Variants in RTTN observed in about 807,000 individuals in gnomAD.
RTTN encodes the protein rotatin.
Under a neutral mutation model 269.2 loss-of-function variants are expected in RTTN, and 182 were observed. That is an observed-to-expected ratio of 0.68 (90% CI 0.60 to 0.76). RTTN has a LOEUF of 0.76. Among genes scored for constraint, RTTN ranks in the 30% least tolerant of loss-of-function variants. The pLI, the probability that RTTN is intolerant of heterozygous loss-of-function variation, is 0.00. For synonymous variants in RTTN, 1,006 were observed against 963.5 expected (o/e 1.04, Z -0.82); for missense variants, 2,545 against 2,608.6 (o/e 0.98, Z 0.53).
intron 14 of RTTN, among the ~76,000 whole-genome samples, chr18:70,153,963 A>C (rs2060607923): frequency 6.6e-6 from 1 of 152,200 alleles, no homozygotes; most frequent in Non-Finnish European, 1.5e-5. Flanking sequence ...TAAATTTCCA[A>C]ATAGTTAACA....
chr18:70,175,634 A>G (rs1427673869), intron 11 of RTTN, among the ~76,000 whole-genome samples: 4 of 192 alleles, frequency 0.021, no homozygotes, highest in Middle Eastern at 0.5. Context: ...GCATGGGACC[A>G]AAAAAAAAAA....
chr18:70,096,635 A>G (rs894488032), intron 28 of RTTN, among the ~76,000 whole-genome samples: 22 of 152,214 alleles, frequency 1.4e-4, no homozygotes, highest in African/African-American at 5.3e-4. Context: ...AGGCTGCAGA[A>G]CAGCAAAGAT....
chr18:70,033,707 A>G (rs1203609280), intron 40 of RTTN, among the ~76,000 whole-genome samples: 1 of 152,010 alleles, frequency 6.6e-6, no homozygotes. Context: ...AGTAGAACAC[A>G]AGAAATAATC....
chr18:70,148,400 T>A (rs1163178289), intron 17 of RTTN, among the ~76,000 whole-genome samples: 1 of 152,114 alleles, frequency 6.6e-6, no homozygotes. Flanking sequence ...TTAATGGCAG[T>A]CAAAGAAAGG....
intron 14 of RTTN, among the ~76,000 whole-genome samples, chr18:70,162,920 G>A (rs2060876915): frequency 5.2e-5 from 5 of 96,014 alleles, no homozygotes; most frequent in Admixed American, 1.0e-4. Flanking sequence ...ACTAATGAAA[G>A]ATTACATGAA....
In RTTN at chr18:70,193,468, A is replaced by T; in HGVS notation, c.842-15T>A. On this transcript the variant is annotated splice_polypyrimidine_tract_variant and intron_variant, in intron 7 of 48. Transcript: ENST00000640769. Reference sequence around the variant, plus strand: ...GGAAACTGTGTCTGGGGAAACAAAGAAAAAATAAAATTATTCTTTAGTAGA... The same window carrying T: ...GGAAACTGTGTCTGGGGAAACAAAGTAAAAATAAAATTATTCTTTAGTAGA... The T allele has an allele frequency of 6.8e-7, 1 of 1,473,392 alleles. No homozygotes were observed. Among genetic ancestry groups the T allele is most frequent in the Non-Finnish European group, 9.0e-7 (1 of 1,107,552 alleles). The allele number at this position is 1,473,392 out of a possible 1,614,324, so 91.3% of individuals were successfully genotyped here. A position where few individuals can be genotyped will look rare whatever the true frequency, so the allele number is the denominator to read the frequency against.
chr18:70,145,676 T>C lies in RTTN; in HGVS notation c.2417A>G (p.Asp806Gly). ...AATAGGTTTCTTCCCAATGAATAAA[T>C]CAGTAACTCTGGAGAGAACTCTGGC... Reference protein sequence around the residue: ...IDARVLSRVTDLFIGKKPIEL... With the variant: ...IDARVLSRVTGLFIGKKPIEL... Residue 806 changes from aspartate to glycine, a missense_variant, in exon 18 of 49, where the codon GAT becomes GGT. Coordinates refer to ENST00000640769, the MANE Select transcript of RTTN (RefSeq NM_173630.4). 6.2e-7 allele frequency: 1 copy of C among 1,613,032 alleles called. No homozygotes were observed. The highest frequency in any genetic ancestry group is 1.1e-5 in the South Asian group (1 of 90,934).
intron 25 of RTTN, among the ~76,000 whole-genome samples, chr18:70,122,944 C>T (rs945885855): frequency 1.1e-4 from 17 of 152,020 alleles, no homozygotes; most frequent in Non-Finnish European, 2.2e-4. Context: ...CCTCATATCC[C>T]CTAAATCTAA....
chr18:70,183,378 T>C (rs2061462182), intron 10 of RTTN, among the ~76,000 whole-genome samples: 1 of 152,132 alleles, frequency 6.6e-6, no homozygotes, highest in Non-Finnish European at 1.5e-5. Flanking sequence ...AGGTAGATAC[T>C]CTGTAAATAC....
chr18:70,167,764 C>T (rs924587852), intron 12 of RTTN, among the ~76,000 whole-genome samples: 1 of 149,760 alleles, frequency 6.7e-6, no homozygotes, highest in African/African-American at 2.4e-5. Flanking sequence ...AATTCTATCA[C>T]AGAGAAAACA....
intron 10 of RTTN, among the ~76,000 whole-genome samples, chr18:70,183,302 A>G (rs142970169): frequency 3.3e-5 from 5 of 152,350 alleles, no homozygotes; most frequent in African/African-American, 1.2e-4. Context: ...CTATGCAAAG[A>G]AAGAATTTCA....
chr18:70,095,245 C>T (rs1029164005), intron 28 of RTTN, among the ~76,000 whole-genome samples: 9 of 151,950 alleles, frequency 5.9e-5, no homozygotes, highest in Non-Finnish European at 1.2e-4. Flanking sequence ...GGTCTTGCCT[C>T]TTTATCCAAT....
chr18:70,152,287 T>C (rs565107136), intron 14 of RTTN, among the ~76,000 whole-genome samples: 6 of 152,306 alleles, frequency 3.9e-5, no homozygotes, highest in Admixed American at 3.9e-4. Flanking sequence ...TGCTTAAGAA[T>C]ATGGGCTTTG....
intron 4 of RTTN, among the ~76,000 whole-genome samples, chr18:70,200,318 C>T (rs1368980218): frequency 6.6e-6 from 1 of 152,196 alleles, no homozygotes; most frequent in Non-Finnish European, 1.5e-5. Context: ...GAAGGACAGG[C>T]TTACACCACA....
At chr18:70,127,471 T>C (rs373309878) in intron 25 of RTTN, 31 bp downstream of exon 25, 57 of 1,607,128 alleles carry the variant, frequency 3.5e-5, no homozygotes, top group South Asian at 3.4e-4. Flanking sequence ...ATCCAGGTCT[T>C]TGAAACTGGC....
In RTTN at chr18:70,148,925, C is replaced by T. The variant is rs1357964428; in HGVS notation, c.2285G>A (p.Arg762Gln). Residue 762 changes from arginine to glutamine, a missense_variant, in exon 17 of 49, where the codon CGA becomes CAA. Physicochemically the swap from Arg to Gln is conservative, Grantham distance 43 (BLOSUM62 1). Transcript: ENST00000640769. ...CGATGGCTTTTTCACTAGCAAAAGT[C>T]GCAGCATGGACTTTAATCGGGTAGT... ...PCTTRLKSML[R>Q]LLLVKKPSVR... The T allele has an allele frequency of 5.0e-6, 8 of 1,613,434 alleles. No homozygotes were observed. The highest frequency in any genetic ancestry group is 2.2e-5 in the East Asian group (1 of 44,866).
chr18:70,050,805 A>G (rs1387126940), intron 39 of RTTN, among the ~76,000 whole-genome samples: 1 of 152,228 alleles, frequency 6.6e-6, no homozygotes, highest in East Asian at 1.9e-4. Context: ...CATCATTCTC[A>G]GCAAACTAAC....
chr18:70,124,761 A>T (rs936005200), intron 25 of RTTN, among the ~76,000 whole-genome samples: 1 of 152,098 alleles, frequency 6.6e-6, no homozygotes, highest in African/African-American at 2.4e-5. Flanking sequence ...CCCACAGGTG[A>T]CATGTATTTC....
chr18:70,144,664 T>A (rs1045559779), intron 18 of RTTN, among the ~76,000 whole-genome samples: 4 of 152,204 alleles, frequency 2.6e-5, no homozygotes, highest in South Asian at 4.2e-4. Flanking sequence ...CTCAGGGAAG[T>A]CCCAACCAGA....
Sources: gnomAD v4.1 joint callset for allele counts (sites outside exome capture counted in the v4.1 genomes callset) on GRCh38, gnomAD v4.1.1 for gene constraint, MANE v1.5 for transcripts, NCBI Gene and HGNC (gene_info 2026-07-23, HGNC 2026-07-21) for gene names.